The following SMOC2 variants were observed in gnomAD, a reference collection of about 807,000 sequenced individuals.
SMOC2 encodes the protein SPARC related modular calcium binding 2.
In SMOC2, 39 loss-of-function variants were observed where a neutral mutation model predicts 61.4. The ratio of observed to expected loss-of-function variants is 0.64; its 90% CI spans 0.49 to 0.83. SMOC2 has a LOEUF of 0.83. Among genes scored for constraint, SMOC2 ranks in the 40% least tolerant of loss-of-function variants. The pLI is 0.00. For missense variants in SMOC2, 556 were observed against 592.9 expected, an observed-to-expected ratio of 0.94 and a Z score of 0.65; for synonymous variants, 247 against 239.9, an observed-to-expected ratio of 1.03 and a Z score of -0.27.
intron 1 of SMOC2, among the ~76,000 whole-genome samples, chr6:168,459,252 C>T (rs1012204788): frequency 2.6e-5 from 4 of 152,152 alleles, no homozygotes; most frequent in Non-Finnish European, 5.9e-5. Context: ...AAAGCCGGGG[C>T]GTGGGCCTCG....
intron 1 of SMOC2, among the ~76,000 whole-genome samples, chr6:168,505,575 G>A (rs1003865194): frequency 5.3e-5 from 8 of 152,128 alleles, no homozygotes; most frequent in South Asian, 4.2e-4. Flanking sequence ...TGGAATGTCC[G>A]TCTCTCAGAT....
intron 9 of SMOC2, among the ~76,000 whole-genome samples, chr6:168,610,576 T>C (rs1785833135): frequency 6.6e-6 from 1 of 152,224 alleles, no homozygotes; most frequent in Non-Finnish European, 1.5e-5. Context: ...CCTTTTGAAG[T>C]TGCTTTTCTA....
rs796073720 is a variant in SMOC2, at chr6:168,657,123, A to G, written c.1285+3895A>G. 9.2e-5 allele frequency among the ~76,000 whole-genome samples: 14 copies of G among 152,370 alleles called. No individual in the cohort carries two copies. In the South Asian group the frequency reaches 2.9e-3, roughly 32 times the overall value. ...GCAAATGCCCACTCACCACTGTGGG[A>G]AGAGGGGCACTAAATGTGCTGCCAA... On this transcript the variant is annotated intron_variant, in intron 11 of 12. Transcript: ENST00000356284.
At chr6:168,649,824 C>A (rs1304649636) in intron 9 of SMOC2, among the ~76,000 whole-genome samples, 1 of 152,212 alleles carries the variant, frequency 6.6e-6, no homozygotes, top group Admixed American at 6.5e-5. Context: ...TGTCCATTGT[C>A]CATGCCACCC....
intron 1 of SMOC2, among the ~76,000 whole-genome samples, chr6:168,450,546 C>G (rs1008873225): frequency 2.0e-5 from 3 of 152,172 alleles, no homozygotes; most frequent in Admixed American, 2.0e-4. Flanking sequence ...TTCTCAGGCC[C>G]TGGGTTCTCT....
chr6:168,617,697 GT>G (rs1786130184), intron 9 of SMOC2, among the ~76,000 whole-genome samples: 2 of 152,226 alleles, frequency 1.3e-5, no homozygotes, highest in Admixed American at 1.3e-4. Context: ...GCAAGAAGAG[GT>G]GTCTGGAAAC....
intron 9 of SMOC2, among the ~76,000 whole-genome samples, chr6:168,623,803 G>A (rs12525366): frequency 0.29 from 43,373 of 151,954 alleles, 6,519 homozygotes; most frequent in African/African-American, 0.36. Context: ...AAATCACTTC[G>A]ACAGCCTCCG....
chr6:168,497,731 A>G (rs144106401), intron 1 of SMOC2, among the ~76,000 whole-genome samples: 75 of 152,288 alleles, frequency 4.9e-4, no homozygotes, highest in East Asian at 2.7e-3. Flanking sequence ...GGGTTATTCA[A>G]TCATCGCCCT....
chr6:168,608,505 A>G (rs912434161), intron 9 of SMOC2, among the ~76,000 whole-genome samples: 1 of 152,068 alleles, frequency 6.6e-6, no homozygotes, highest in African/African-American at 2.4e-5. Flanking sequence ...CCCCTCACAA[A>G]TCAGATCAGC....
At chr6:168,567,255 AT>A (rs1190783659) in intron 7 of SMOC2, among the ~76,000 whole-genome samples, 3 of 152,208 alleles carry the variant, frequency 2.0e-5, no homozygotes, top group South Asian at 4.1e-4. Context: ...TGGCTCAATA[AT>A]TTTTTTAAAT....
intron 7 of SMOC2, among the ~76,000 whole-genome samples, chr6:168,580,994 A>G (rs1262830797): frequency 6.6e-6 from 1 of 152,244 alleles, no homozygotes; most frequent in Non-Finnish European, 1.5e-5. Context: ...CTTGGGAATT[A>G]AAGTATGCAA....
At chr6:168,650,613 C>T (rs1241564132) in intron 9 of SMOC2, 68 bp from the exon 10 acceptor site, 9 of 1,440,584 alleles carry the variant, frequency 6.2e-6, no homozygotes, top group Non-Finnish European at 6.7e-6. Context: ...ACAACATTTC[C>T]CTGTATTTTA....
intron 4 of SMOC2, among the ~76,000 whole-genome samples, chr6:168,537,530 G>C (rs991962761): frequency 2.6e-5 from 4 of 152,266 alleles, no homozygotes; most frequent in Non-Finnish European, 2.9e-5. Flanking sequence ...CTGAAAGCTG[G>C]TCCTATTTAG....
rs142092740 is a variant in SMOC2 at position 168,574,089 on chromosome 6, G to A, written c.638-24729G>A. ...CGAGGAAAAGAGGCTGGAAACAAGC[G>A]CACTCAATATTTCCTGCAGCTGTCT... is the stretch of plus-strand genomic sequence containing the variant. On this transcript the variant is annotated intron_variant, in intron 7 of 12. Coordinates refer to ENST00000356284, the MANE Select transcript of SMOC2 (RefSeq NM_001166412.2). Among the ~76,000 whole-genome samples, 1,486 of 152,322 alleles carry A rather than the reference G, an allele frequency of 9.8e-3. 13 individuals carry two copies. The highest frequency in any genetic ancestry group is 0.05 in the South Asian group (241 of 4,824).
chr6:168,499,094 G>T (rs1782664055), intron 1 of SMOC2, among the ~76,000 whole-genome samples: 1 of 141,112 alleles, frequency 7.1e-6, no homozygotes, highest in Admixed American at 7.0e-5. Context: ...GGAAACCCTG[G>T]GTCCTCCCAG....
intron 1 of SMOC2, among the ~76,000 whole-genome samples, chr6:168,471,519 G>T (rs994597785): frequency 2.6e-5 from 4 of 152,172 alleles, no homozygotes; most frequent in Admixed American, 2.6e-4. Flanking sequence ...TGCTGCTATG[G>T]ACATGAGTAT....
rs1077334 is a variant in SMOC2, at chr6:168,486,369, A to G, written c.85-23546A>G. Among the ~76,000 whole-genome samples the G allele has an allele frequency of 9.1e-3, 1,393 of 152,274 alleles. 23 individuals carry two copies. The highest frequency in any genetic ancestry group is 0.032 in the African/African-American group (1,331 of 41,546). ...CTCTACACACTCTACACTGCTTCACAGAAGCTTTGCACTCCAACATTTGCA... is the reference window on the plus strand; with the variant it reads ...CTCTACACACTCTACACTGCTTCACGGAAGCTTTGCACTCCAACATTTGCA... On this transcript the variant is annotated intron_variant, in intron 1 of 12. Coordinates refer to ENST00000356284, the MANE Select transcript of SMOC2 (RefSeq NM_001166412.2).
At chr6:168,660,562 C>T (rs918817553) in intron 11 of SMOC2, among the ~76,000 whole-genome samples, 1 of 152,238 alleles carries the variant, frequency 6.6e-6, no homozygotes, top group Admixed American at 6.5e-5. Context: ...AGGACCCAAG[C>T]GTTTCCTTCT....
chr6:168,620,843 C>T (rs575361595), intron 9 of SMOC2, among the ~76,000 whole-genome samples: 2 of 152,278 alleles, frequency 1.3e-5, no homozygotes, highest in East Asian at 1.9e-4. Flanking sequence ...AGAAATGGCC[C>T]AGCTGATAGG....
Sources: allele counts gnomAD v4.1 joint callset (sites outside exome capture counted in the v4.1 genomes callset), GRCh38; gene constraint gnomAD v4.1.1; transcripts MANE v1.5; gene names NCBI Gene and HGNC (gene_info 2026-07-23, HGNC 2026-07-21).